The following CCNI variants were observed in gnomAD, a reference collection of about 807,000 sequenced individuals.
CCNI encodes the protein cyclin-I.
CCNI carries 14 observed loss-of-function variants against 34.1 expected under a neutral mutation model. The ratio of observed to expected loss-of-function variants is 0.41; its 90% CI spans 0.27 to 0.64. The LOEUF (loss-of-function observed/expected upper bound fraction) is 0.64, where lower values mean the gene tolerates loss of function less well. CCNI is among the 30% of genes least tolerant of loss of function. The pLI is 0.31. For missense variants in CCNI, 385 were observed against 440.5 expected (o/e 0.87, Z 1.13); for synonymous variants, 154 against 158.4 (o/e 0.97, Z 0.21).
intron 1 of CCNI, among the ~76,000 whole-genome samples, chr4:77,073,349 C>T (rs4252784): frequency 0.03 from 4,580 of 152,210 alleles, 224 homozygotes; most frequent in African/African-American, 0.1. Flanking sequence ...TACAGGGCCC[C>T]CTGCTCCTCT....
At position 77,056,101 on chromosome 4, in the gene CCNI, C is replaced by T. The variant is rs143512120; in HGVS notation, c.320G>A (p.Arg107Lys). ...TGCCAATACCTTTAGTACTGGAATT[C>T]TCTATCCAAAGCAAAGGGGAACAGG... ...LAAKTVEEDE[R>K]IPVLKVLARD... is the part of the protein sequence containing the mutation. The change falls in exon 5 of 7, where the codon AGA becomes AAA. Residue 107 changes from arginine to lysine, a missense_variant and splice_region_variant. Coordinates refer to ENST00000237654, the MANE Select transcript of CCNI (RefSeq NM_006835.3). The T allele has an allele frequency of 1.2e-6, 2 of 1,613,078 alleles. No individual in the cohort carries two copies. Among genetic ancestry groups the T allele is most frequent in the African/African-American group, 2.7e-5 (2 of 74,998 alleles).
chr4:77,072,638 T>TAAAAAAA (rs61247567), intron 1 of CCNI, among the ~76,000 whole-genome samples: 19 of 101,376 alleles, frequency 1.9e-4, no homozygotes, highest in African/African-American at 5.3e-4. Flanking sequence ...CCCAATCTCT[T>TAAAAAAA]AAAAAAAAAA....
intron 2 of CCNI, among the ~76,000 whole-genome samples, chr4:77,064,348 T>C (rs1728857794): frequency 6.6e-6 from 1 of 152,138 alleles, no homozygotes; most frequent in Non-Finnish European, 1.5e-5. Flanking sequence ...AATATATTAT[T>C]GTTGGTTACA....
intron 2 of CCNI, among the ~76,000 whole-genome samples, chr4:77,062,405 A>G (rs1728676952): frequency 6.6e-6 from 1 of 152,112 alleles, no homozygotes; most frequent in South Asian, 2.1e-4. Flanking sequence ...CATCTCCACA[A>G]ATAAAAAAAT....
At chr4:77,063,805 C>T (rs1728807100) in intron 2 of CCNI, among the ~76,000 whole-genome samples, 1 of 152,116 alleles carries the variant, frequency 6.6e-6, no homozygotes, top group Admixed American at 6.5e-5. Flanking sequence ...CAGACCAAGG[C>T]CACCCAAATT....
At chr4:77,068,507 C>A (rs1729216442) in intron 1 of CCNI, among the ~76,000 whole-genome samples, 1 of 152,128 alleles carries the variant, frequency 6.6e-6, no homozygotes, top group African/African-American at 2.4e-5. Flanking sequence ...AAATGTGATG[C>A]TAAATAACGG....
At chr4:77,066,505 A>C in intron 1 of CCNI, 100 bp from the exon 2 acceptor site, 1 of 796,110 alleles carries the variant, frequency 1.3e-6, no homozygotes, top group Non-Finnish European at 2.0e-6. Context: ...GAATGCTATG[A>C]GGCAGTATAG....
intron 6 of CCNI, among the ~76,000 whole-genome samples, chr4:77,051,027 C>G (rs865785450): frequency 6.6e-6 from 1 of 152,326 alleles, no homozygotes. Context: ...ATATAACCCA[C>G]TCGCATTGTC....
At chr4:77,063,593 G>A (rs1191560277) in intron 2 of CCNI, among the ~76,000 whole-genome samples, 1 of 151,852 alleles carries the variant, frequency 6.6e-6, no homozygotes, top group Non-Finnish European at 1.5e-5. Context: ...GGGAGGCTGA[G>A]GCAGGAGAAT....
rs150461980 is a variant in CCNI, at chr4:77,048,762, TC to T, written c.691-101del. The T allele has an allele frequency of 1.3e-3, 1,002 of 785,312 alleles. 10 individuals carry two copies. In the African/African-American group the frequency reaches 0.015, roughly 12 times the overall value. The allele number at this position is 785,312 out of a possible 1,614,324, so 48.6% of individuals were successfully genotyped here. A position where few individuals can be genotyped will look rare whatever the true frequency, so the allele number is the denominator to read the frequency against. On this transcript the variant is annotated intron_variant, in intron 6 of 6. Transcript: ENST00000237654. ...CCATTTTTCCTCCCTGTGCTTTCCG[TC>T]CCCGCTGAGTCTTTTCTCTCCCCAC...
At chr4:77,055,887 G>T in intron 5 of CCNI, 75 bp downstream of exon 5, 1 of 1,211,796 alleles carries the variant, frequency 8.3e-7, no homozygotes. Context: ...AAATAAATGA[G>T]TAGGCAATCT....
At chr4:77,075,396 G>T in intron 1 of CCNI, 76 bp downstream of exon 1, 1 of 513,538 alleles carries the variant, frequency 1.9e-6, no homozygotes, top group Non-Finnish European at 2.5e-6. Context: ...CGGCGCGGGG[G>T]GAGCAGCGGG....
chr4:77,068,774 T>C (rs1407169062), intron 1 of CCNI, among the ~76,000 whole-genome samples: 1 of 152,062 alleles, frequency 6.6e-6, no homozygotes, highest in Non-Finnish European at 1.5e-5. Flanking sequence ...AAGCAAAAAA[T>C]AGCAAACCAC....
intron 1 of CCNI, among the ~76,000 whole-genome samples, chr4:77,069,441 A>ATATAT (rs932669839): frequency 8.9e-5 from 13 of 146,048 alleles, no homozygotes; most frequent in African/African-American, 3.5e-4. Flanking sequence ...ATATATATAT[A>ATATAT]TTTTTTTTAT....
intron 6 of CCNI, 94 bp downstream of exon 6, chr4:77,055,056 A>G (rs1728115965): frequency 2.6e-6 from 2 of 770,972 alleles, no homozygotes; most frequent in Admixed American, 5.1e-5. Flanking sequence ...GTTTGCCATT[A>G]CAACATGAGA....
intron 2 of CCNI, among the ~76,000 whole-genome samples, chr4:77,062,972 C>G (rs1728719680): frequency 6.6e-6 from 1 of 152,154 alleles, no homozygotes; most frequent in South Asian, 2.1e-4. Flanking sequence ...TACTTTGAGT[C>G]TATTATATGC....
At chr4:77,057,276 C>T (rs1728307465) in intron 3 of CCNI, among the ~76,000 whole-genome samples, 1 of 152,158 alleles carries the variant, frequency 6.6e-6, no homozygotes, top group Admixed American at 6.5e-5. Flanking sequence ...TATTAGTGAA[C>T]ACATTGTTGT....
intron 2 of CCNI, among the ~76,000 whole-genome samples, chr4:77,063,982 C>T (rs566002664): frequency 6.6e-6 from 1 of 152,284 alleles, no homozygotes; most frequent in East Asian, 1.9e-4. Flanking sequence ...TTGCTCACGC[C>T]TGTAATCCCA....
At chr4:77,070,981 T>C (rs778978933) in intron 1 of CCNI, among the ~76,000 whole-genome samples, 2 of 152,222 alleles carry the variant, frequency 1.3e-5, no homozygotes, top group Non-Finnish European at 2.9e-5. Context: ...CCTTAAAACT[T>C]TAATAATTCT....
Sources: gnomAD v4.1 joint callset for allele counts (sites outside exome capture counted in the v4.1 genomes callset) on GRCh38, gnomAD v4.1.1 for gene constraint, MANE v1.5 for transcripts, NCBI Gene and HGNC (gene_info 2026-07-23, HGNC 2026-07-21) for gene names.